The following PCDHGB6 variants were observed in gnomAD, a reference collection of about 807,000 sequenced individuals.
The protein encoded by PCDHGB6 is protocadherin gamma subfamily B, 6.
A neutral mutation model predicts 59.1 loss-of-function variants in PCDHGB6; 51 were observed. The observed-to-expected ratio is 0.86, with a 90% CI of 0.69 to 1.09. The LOEUF (loss-of-function observed/expected upper bound fraction) is 1.09. Ranked by LOEUF, PCDHGB6 falls within the 50% of genes least tolerant of loss-of-function variation. PCDHGB6 has a pLI of 0.00. For synonymous variants in PCDHGB6, 466 were observed against 495.1 expected, an observed-to-expected ratio of 0.94 and a Z score of 0.78; for missense variants, 1,148 against 1,205.1, an observed-to-expected ratio of 0.95 and a Z score of 0.70.
chr5:141,418,439 T>C (rs1284999606), intron 1 of PCDHGB6: 1 of 1,613,812 alleles, frequency 6.2e-7, no homozygotes, highest in Non-Finnish European at 8.5e-7. Flanking sequence ...ATATCCAGAA[T>C]TAGTATTGCA....
At chr5:141,423,563 C>G (rs745802952) in intron 1 of PCDHGB6, 3 of 1,613,550 alleles carry the variant, frequency 1.9e-6, no homozygotes, top group Admixed American at 1.7e-5. Flanking sequence ...TATGGGGACA[C>G]GCTCATCAGC....
At chr5:141,510,799 C>G in intron 3 of PCDHGB6, 148 bp from the exon 4 acceptor site, 1 of 1,481,460 alleles carries the variant, frequency 6.8e-7, no homozygotes. Context: ...TGAAGAGAGA[C>G]TACCTTGGTG....
chr5:141,468,229 G>A (rs1363462610), intron 1 of PCDHGB6, among the ~76,000 whole-genome samples: 4 of 150,884 alleles, frequency 2.7e-5, no homozygotes, highest in Non-Finnish European at 5.9e-5. Flanking sequence ...GGAGGATGAG[G>A]TAGGAGAATT....
chr5:141,477,193 C>G lies in PCDHGB6; in HGVS notation c.2419-17614C>G. The G allele has an allele frequency of 6.2e-7, 1 of 1,614,176 alleles. No homozygotes were observed. Among genetic ancestry groups the G allele is most frequent in the Non-Finnish European group, 8.5e-7 (1 of 1,180,036 alleles). On this transcript the variant is annotated intron_variant, in intron 1 of 3. Transcript: ENST00000520790. This position sits in a 1 kb window ranked among gnomAD's most constrained non-coding sequence, Gnocchi z 4.9. ...AGATCACAGTCACCTCCGTGTACAG[C>G]CCAGTACCCGAGGATGCCCCTCTGG...
At chr5:141,430,910 G>T in intron 1 of PCDHGB6, 2 of 1,608,040 alleles carry the variant, frequency 1.2e-6, no homozygotes, top group Middle Eastern at 1.7e-4. Context: ...CATCTCCAGG[G>T]ACCTGGGGCT....
In PCDHGB6 at chr5:141,486,600, C is replaced by G. The variant is rs748395954; in HGVS notation, c.2419-8207C>G. Reference sequence around the variant, plus strand: ...AATCGCCCAGGGGACCTGCTTTGCTCCCTTGCAGCCTCTGACCCAGACTCT... The same window carrying G: ...AATCGCCCAGGGGACCTGCTTTGCTGCCTTGCAGCCTCTGACCCAGACTCT... On this transcript the variant is annotated intron_variant, in intron 1 of 3. Transcript: ENST00000520790. This position sits in a 1 kb window ranked among gnomAD's most constrained non-coding sequence, Gnocchi z 5.0. 21 of 1,613,602 alleles carry G rather than the reference C, an allele frequency of 1.3e-5. No individual in the cohort carries two copies. Among genetic ancestry groups the G allele is most frequent in the South Asian group, 2.2e-5 (2 of 91,086 alleles).
intron 1 of PCDHGB6, among the ~76,000 whole-genome samples, chr5:141,434,248 G>A (rs1347428778): frequency 2.0e-5 from 3 of 152,188 alleles, no homozygotes; most frequent in Non-Finnish European, 2.9e-5. Flanking sequence ...GATGACTTGG[G>A]CATTGTGGGG....
At chr5:141,501,602 A>T (rs766918685) in intron 2 of PCDHGB6, among the ~76,000 whole-genome samples, 1 of 152,026 alleles carries the variant, frequency 6.6e-6, no homozygotes. Flanking sequence ...TACCAGTTCC[A>T]GCTGTGTGAC....
Position 141,477,898 on chromosome 5 carries a change from A to G in PCDHGB6, c.2419-16909A>G. 1 of 1,614,158 alleles carries G rather than the reference A, an allele frequency of 6.2e-7. No homozygotes were observed. Among genetic ancestry groups the G allele is most frequent in the Middle Eastern group, 1.6e-4 (1 of 6,062 alleles). ...CTGGCCACCTAGTGTCACGGGTGGTAGGCTGGGACGCGGATGCAGGGCACA... is the reference window on the plus strand; with the variant it reads ...CTGGCCACCTAGTGTCACGGGTGGTGGGCTGGGACGCGGATGCAGGGCACA... On this transcript the variant is annotated intron_variant, in intron 1 of 3. Coordinates refer to ENST00000520790, the MANE Select transcript of PCDHGB6 (RefSeq NM_018926.3). This position sits in a 1 kb window ranked among gnomAD's most constrained non-coding sequence, Gnocchi z 4.9.
chr5:141,478,246 C>T (rs1305046488), intron 1 of PCDHGB6: 1 of 1,614,100 alleles, frequency 6.2e-7, no homozygotes, highest in Admixed American at 1.7e-5. Context: ...TCACAGTGTT[C>T]GGAGTAATCA....
chr5:141,462,682 G>T (rs560423384), intron 1 of PCDHGB6, among the ~76,000 whole-genome samples: 2 of 151,790 alleles, frequency 1.3e-5, no homozygotes, highest in Non-Finnish European at 2.9e-5. Context: ...TTAAATTTTT[G>T]AGCACATTTA....
In PCDHGB6 at chr5:141,491,696, G is replaced by A; in HGVS notation, c.2419-3111G>A. The A allele has an allele frequency of 6.2e-7, 1 of 1,612,390 alleles. No individual in the cohort carries two copies. The highest frequency in any genetic ancestry group is 8.5e-7 in the Non-Finnish European group (1 of 1,179,286). ...CGCTCTAATACGCTGCGGGAGCGGA[G>A]CCAGGTGAGGGGCTCGGCGCCGCCC... On this transcript the variant is annotated intron_variant, in intron 1 of 3. Coordinates refer to ENST00000520790, the MANE Select transcript of PCDHGB6 (RefSeq NM_018926.3). This position sits in a 1 kb window ranked among gnomAD's most constrained non-coding sequence, Gnocchi z 6.9.
intron 1 of PCDHGB6, chr5:141,423,138 C>G (rs767107885): frequency 1.2e-6 from 2 of 1,613,606 alleles, no homozygotes; most frequent in Non-Finnish European, 1.7e-6. Flanking sequence ...TGGACAGAGA[C>G]GCGCTCAAGC....
intron 1 of PCDHGB6, among the ~76,000 whole-genome samples, chr5:141,451,498 C>A (rs2098717552): frequency 6.6e-6 from 1 of 152,208 alleles, no homozygotes; most frequent in South Asian, 2.1e-4. Flanking sequence ...CTCCATAGGG[C>A]AACCAGCTTC....
At chr5:141,454,331 T>G (rs1244660733) in intron 1 of PCDHGB6, among the ~76,000 whole-genome samples, 1 of 152,180 alleles carries the variant, frequency 6.6e-6, no homozygotes, top group Non-Finnish European at 1.5e-5. Context: ...CAAGAATAAA[T>G]AAAATGTTGG....
At chr5:141,469,792 A>G (rs989190786) in intron 1 of PCDHGB6, among the ~76,000 whole-genome samples, 1 of 152,194 alleles carries the variant, frequency 6.6e-6, no homozygotes, top group African/African-American at 2.4e-5. Flanking sequence ...GTTATTTGTA[A>G]TTGCAAAAAC....
At position 141,491,265 on chromosome 5, in the gene PCDHGB6, C is replaced by G. The variant is rs868682993; in HGVS notation, c.2419-3542C>G. ...AGGATGAGGACCCTGAGGAAATGCCCAAATCCAGTGACTTCCTCATACACC... is the reference window on the plus strand; with the variant it reads ...AGGATGAGGACCCTGAGGAAATGCCGAAATCCAGTGACTTCCTCATACACC... On this transcript the variant is annotated intron_variant, in intron 1 of 3. Transcript: ENST00000520790. The surrounding 1 kb of genome is among the most constrained non-coding windows in gnomAD (Gnocchi z 6.9). The G allele has an allele frequency of 6.2e-7, 1 of 1,614,074 alleles. No individual in the cohort carries two copies. The highest frequency in any genetic ancestry group is 8.5e-7 in the Non-Finnish European group (1 of 1,179,916).
Position 141,432,229 on chromosome 5 carries a change from C to T in PCDHGB6, c.2418+21609C>T, listed in dbSNP as rs1246285803. Reference sequence around the variant, plus strand: ...AAGAGAACGCCCAGATCACTTATTCCCTGGCTGAGAACACCATCCAAGGGG... The same window carrying T: ...AAGAGAACGCCCAGATCACTTATTCTCTGGCTGAGAACACCATCCAAGGGG... On this transcript the variant is annotated intron_variant, in intron 1 of 3. Coordinates refer to ENST00000520790, the MANE Select transcript of PCDHGB6 (RefSeq NM_018926.3). The surrounding 1 kb of genome is among the most constrained non-coding windows in gnomAD (Gnocchi z 6.0). The T allele has an allele frequency of 6.2e-7, 1 of 1,614,232 alleles. No homozygotes were observed.
chr5:141,464,896 G>C (rs1166142533), intron 1 of PCDHGB6, among the ~76,000 whole-genome samples: 2 of 151,554 alleles, frequency 1.3e-5, no homozygotes, highest in African/African-American at 4.8e-5. Context: ...ATGCCACCAT[G>C]TCCAGCTAAT....
Sources: allele counts gnomAD v4.1 joint callset (sites outside exome capture counted in the v4.1 genomes callset), GRCh38; gene constraint gnomAD v4.1.1; non-coding constraint Gnocchi (gnomAD v3.1); transcripts MANE v1.5; gene names NCBI Gene and HGNC (gene_info 2026-07-23, HGNC 2026-07-21).